The following ARID1A variants were observed in gnomAD, a reference collection of about 807,000 sequenced individuals.
The protein encoded by ARID1A is AT-rich interaction domain 1A, also known as AT-rich interactive domain-containing protein 1A.
Under a neutral mutation model 212.6 loss-of-function variants are expected in ARID1A, and 20 were observed. The ratio of observed to expected loss-of-function variants is 0.09; its 90% CI spans 0.07 to 0.14. The LOEUF is 0.14. ARID1A is among the 10% of genes least tolerant of loss of function. The pLI is 1.00. For missense variants in ARID1A, 2,587 were observed against 3,059.0 expected (o/e 0.85, Z 3.64); for synonymous variants, 1,376 against 1,222.1 (o/e 1.13, Z -2.63).
rs142353005 is a variant in ARID1A, at chr1:26,761,426, G to A, written c.2204G>A (p.Ser735Asn). ...PPRPPSGQSD[S>N]IMHPSMNQSS... ...CGGCCACCCAGTGGCCAGTCGGACAGCATCATGCATCCTTCCATGAACCAA... is the reference window on the plus strand; with the variant it reads ...CGGCCACCCAGTGGCCAGTCGGACAACATCATGCATCCTTCCATGAACCAA... The change falls in exon 6 of 20, where the codon AGC becomes AAC. Residue 735 changes from serine (S) to asparagine (N), a missense_variant. This residue lies in a region of ARID1A where 674 missense variants were observed against 813.4 expected (regional missense o/e 0.83). Coordinates refer to ENST00000324856, the MANE Select transcript of ARID1A (RefSeq NM_006015.6). 1.7e-4 allele frequency: 278 copies of A among 1,614,098 alleles called. No individual in the cohort carries two copies. Among genetic ancestry groups the A allele is most frequent in the Non-Finnish European group, 2.2e-4 (260 of 1,180,050 alleles).
rs989613588 is a variant in ARID1A, at chr1:26,773,615, G to A, written c.3902G>A (p.Ser1301Asn). 1.1e-5 allele frequency: 17 copies of A among 1,614,086 alleles called. No homozygotes were observed. Among genetic ancestry groups the A allele is most frequent in the Non-Finnish European group, 1.4e-5 (17 of 1,180,052 alleles). Residue 1301 changes from serine (S) to asparagine (N), a missense_variant, in exon 16 of 20, where the codon AGC (serine) becomes AAC (asparagine). This residue lies in a region of ARID1A where 890 missense variants were observed against 1,098.2 expected (regional missense o/e 0.81). Coordinates refer to ENST00000324856, the MANE Select transcript of ARID1A (RefSeq NM_006015.6). ...GGAATAGGGCCTGAGGGAAACATGA[G>A]CACTGGGGCCCCACAGCCGAATCTC... Reference protein sequence around the residue: ...EPGIGPEGNMSTGAPQPNLMP... With the variant: ...EPGIGPEGNMNTGAPQPNLMP...
chr1:26,773,387 A>G lies in ARID1A; in HGVS notation c.3757A>G (p.Asn1253Asp), dbSNP rs2124110526. ...CTTCATGTCCTCAGGGCAGGGCCCCAACGGCGGGATGGGTGACCCCTACAG... is the reference window on the plus strand; with the variant it reads ...CTTCATGTCCTCAGGGCAGGGCCCCGACGGCGGGATGGGTGACCCCTACAG... ...DPFMSSGQGP[N>D]GGMGDPYSRA... The change falls in exon 15 of 20, where the codon AAC (asparagine) becomes GAC (aspartate). Residue 1253 changes from asparagine to aspartate, a missense_variant. By Grantham distance (23) the Asn-to-Asp change is conservative. Transcript: ENST00000324856. 6.2e-7 allele frequency: 1 copy of G among 1,611,702 alleles called. No individual in the cohort carries two copies. Among genetic ancestry groups the G allele is most frequent in the Non-Finnish European group, 8.5e-7 (1 of 1,178,748 alleles).
chr1:26,726,661 A>G (rs2080622627), intron 1 of ARID1A, among the ~76,000 whole-genome samples: 1 of 151,962 alleles, frequency 6.6e-6, no homozygotes, highest in Non-Finnish European at 1.5e-5. Context: ...AGTGTCTCCT[A>G]CCCTTTTTTG....
intron 1 of ARID1A, among the ~76,000 whole-genome samples, chr1:26,715,454 C>G (rs1041178901): frequency 6.6e-6 from 1 of 152,144 alleles, no homozygotes; most frequent in Non-Finnish European, 1.5e-5. Flanking sequence ...TACCAAGGAC[C>G]TTTTCCTAGT....
chr1:26,696,170 G>T lies in ARID1A; in HGVS notation c.-234G>T. On this transcript the variant is annotated 5_prime_UTR_variant, in exon 1 of 20. Transcript: ENST00000324856. ...CTACAGAGCCGGGAGCAGCTGAGCC[G>T]CCGGCGCCTCGGCCGCCGCCGCCGC... 1 of 550,734 alleles carries T rather than the reference G, an allele frequency of 1.8e-6. No individual in the cohort carries two copies. The highest frequency in any genetic ancestry group is 2.5e-6 in the Non-Finnish European group (1 of 396,128). The allele number at this position is 550,734 out of a possible 1,614,324, so 34.1% of individuals were successfully genotyped here.
chr1:26,726,313 A>G lies in ARID1A; in HGVS notation c.1138-3338A>G, dbSNP rs181746644. Among the ~76,000 whole-genome samples the G allele has an allele frequency of 3.6e-4, 55 of 151,356 alleles. No homozygotes were observed. In the East Asian group the frequency reaches 0.01, roughly 28 times the overall value. The stretch of plus-strand genomic sequence containing the variant: ...TCAGCCTCCCGAGTAGCTGGGACTT[A>G]TAGGCATGTGCCGCCACACCCAGCT... On this transcript the variant is annotated intron_variant, in intron 1 of 19. Transcript: ENST00000324856.
intron 1 of ARID1A, among the ~76,000 whole-genome samples, chr1:26,706,451 G>T (rs1420553519): frequency 6.6e-6 from 1 of 152,210 alleles, no homozygotes; most frequent in Non-Finnish European, 1.5e-5. Context: ...CCCATTTGGT[G>T]TGTGCTTGGT....
chr1:26,763,647 G>A lies in ARID1A; in HGVS notation c.2732+362G>A, dbSNP rs543145405. Among the ~76,000 whole-genome samples, 16 of 152,312 alleles carry A rather than the reference G, an allele frequency of 1.1e-4. No individual in the cohort carries two copies. The South Asian group carries it at 2.5e-3, about 24-fold the overall frequency. On this transcript the variant is annotated intron_variant, in intron 8 of 19. Coordinates refer to ENST00000324856, the MANE Select transcript of ARID1A (RefSeq NM_006015.6). ...TAGCTGGGTGTGGTGGCGCACGCCT[G>A]TAATCCCGGCTATCGGGAGGCTGAG... is the stretch of plus-strand genomic sequence containing the variant.
intron 1 of ARID1A, among the ~76,000 whole-genome samples, chr1:26,719,032 TG>T (rs1161744473): frequency 6.6e-6 from 1 of 152,076 alleles, no homozygotes; most frequent in Non-Finnish European, 1.5e-5. Context: ...TCAAGGATAA[TG>T]GGGGGTACTC....
chr1:26,778,991 CT>C (rs775304473), intron 19 of ARID1A, 31 bp from the exon 20 acceptor site: 11 of 1,496,382 alleles, frequency 7.4e-6, no homozygotes, highest in Non-Finnish European at 9.8e-6. Context: ...ACTTTTCTCC[CT>C]TAATTTATTT....
Position 26,697,360 on chromosome 1 carries a change from G to T in ARID1A, c.957G>T (p.Gly319=), listed in dbSNP as rs2080280859. The T allele has an allele frequency of 3.0e-6, 4 of 1,317,972 alleles. No homozygotes were observed. Among genetic ancestry groups the T allele is most frequent in the Non-Finnish European group, 2.9e-6 (3 of 1,040,590 alleles). 81.6% of individuals were successfully genotyped at this position (1,317,972 alleles called of 1,614,324 possible). A position where few individuals can be genotyped will look rare whatever the true frequency, so the allele number is the denominator to read the frequency against. The change falls in exon 1 of 20, where the codon GGG becomes GGT. Residue 319 remains glycine (G), a synonymous_variant. Coordinates refer to ENST00000324856, the MANE Select transcript of ARID1A (RefSeq NM_006015.6). ...QGYPGGDYSG[G]PQDGGAGKGP... ...ACCCCGGGGGCGACTACAGTGGCGGGCCCCAGGACGGGGGCGCCGGCAAGG... is the reference window on the plus strand; with the variant it reads ...ACCCCGGGGGCGACTACAGTGGCGGTCCCCAGGACGGGGGCGCCGGCAAGG...
intron 8 of ARID1A, among the ~76,000 whole-genome samples, chr1:26,763,641 A>G (rs1006863501): frequency 1.3e-5 from 2 of 152,206 alleles, no homozygotes; most frequent in Non-Finnish European, 2.9e-5. Flanking sequence ...GTGGTGGCGC[A>G]CGCCTGTAAT....
At chr1:26,708,535 C>T (rs983764677) in intron 1 of ARID1A, among the ~76,000 whole-genome samples, 30 of 151,816 alleles carry the variant, frequency 2.0e-4, no homozygotes, top group African/African-American at 6.3e-4. Flanking sequence ...CCACCTGCCT[C>T]GGCCTCCCAA....
intron 1 of ARID1A, among the ~76,000 whole-genome samples, chr1:26,727,248 C>G (rs1557589705): frequency 6.6e-6 from 1 of 152,146 alleles, no homozygotes; most frequent in African/African-American, 2.4e-5. Context: ...TACTACACTA[C>G]CCTCTATGTA....
chr1:26,701,742 C>T (rs777367726), intron 1 of ARID1A, among the ~76,000 whole-genome samples: 6 of 152,164 alleles, frequency 3.9e-5, no homozygotes, highest in Non-Finnish European at 8.8e-5. Context: ...TGAAGGAACT[C>T]AAAGCTATTT....
chr1:26,720,490 A>G (rs1421288302), intron 1 of ARID1A, among the ~76,000 whole-genome samples: 1 of 151,096 alleles, frequency 6.6e-6, no homozygotes, highest in Non-Finnish European at 1.5e-5. Context: ...AAAAAAAAAA[A>G]GGTACAACCT....
chr1:26,769,496 C>G (rs1289815897), intron 11 of ARID1A: 2 of 152,166 alleles, frequency 1.3e-5, no homozygotes, highest in Admixed American at 1.3e-4. Flanking sequence ...CTAGATGCCA[C>G]GGAGATGGGA....
In ARID1A at chr1:26,772,860, C is replaced by T. The variant is rs2124106982; in HGVS notation, c.3588C>T (p.Asp1196=). The part of the protein sequence containing the change: ...GIQDAFNDGS[D]STFQKRNSMT... ...AGGATGCCTTTAATGATGGAAGTGA[C>T]TCCACATTCCAGAAGCGGAATTCCA... is the stretch of plus-strand genomic sequence containing the variant. Residue 1196 remains aspartate (D), a synonymous_variant, in exon 14 of 20, where the codon GAC becomes GAT. Transcript: ENST00000324856. The T allele has an allele frequency of 6.2e-7, 1 of 1,614,148 alleles. No homozygotes were observed. The highest frequency in any genetic ancestry group is 8.5e-7 in the Non-Finnish European group (1 of 1,180,024).
chr1:26,696,766 C>G lies in ARID1A; in HGVS notation c.363C>G (p.Pro121=). Residue 121 remains proline, a synonymous_variant, in exon 1 of 20, where the codon CCC becomes CCG. Transcript: ENST00000324856. The part of the protein sequence containing the change: ...PALNNNLTEP[P]GGGGGGSSDG... ...TGAACAATAACCTCACGGAGCCGCC[C>G]GGCGGCGGCGGTGGCGGCAGCAGCG... is the stretch of plus-strand genomic sequence containing the variant. The G allele has an allele frequency of 7.4e-7, 1 of 1,344,514 alleles. No individual in the cohort carries two copies. Among genetic ancestry groups the G allele is most frequent in the African/African-American group, 1.5e-5 (1 of 64,668 alleles). The allele number at this position is 1,344,514 out of a possible 1,614,324, so 83.3% of individuals were successfully genotyped here. A position where few individuals can be genotyped will look rare whatever the true frequency, so the allele number is the denominator to read the frequency against.
Sources: allele counts gnomAD v4.1 joint callset (sites outside exome capture counted in the v4.1 genomes callset), GRCh38; gene constraint gnomAD v4.1.1; regional missense constraint gnomAD v4.1.1; transcripts MANE v1.5; gene names NCBI Gene and HGNC (gene_info 2026-07-23, HGNC 2026-07-21).